CCBE1: variants seen among roughly 807,000 people sequenced by gnomAD.
CCBE1 encodes collagen and calcium-binding EGF domain-containing protein 1.
CCBE1 carries 37 observed loss-of-function variants against 50.0 expected under a neutral mutation model. That is an observed-to-expected ratio of 0.74 (90% CI 0.57 to 0.97). The LOEUF (loss-of-function observed/expected upper bound fraction) is 0.97, where lower values mean the gene tolerates loss of function less well. Ranked by LOEUF, CCBE1 falls within the 50% of genes least tolerant of loss-of-function variation. CCBE1 has a pLI of 0.00. For synonymous variants in CCBE1, 234 were observed against 203.7 expected, an observed-to-expected ratio of 1.15 and a Z score of -1.27; for missense variants, 538 against 523.8, an observed-to-expected ratio of 1.03 and a Z score of -0.26.
At chr18:59,676,486 C>T (rs2054505265) in intron 2 of CCBE1, among the ~76,000 whole-genome samples, 1 of 152,124 alleles carries the variant, frequency 6.6e-6, no homozygotes, top group Non-Finnish European at 1.5e-5. Flanking sequence ...ATATAACTGC[C>T]TTATATATGG....
chr18:59,601,010 GTTTTT>G lies in CCBE1; in HGVS notation c.212+95614_212+95618del, dbSNP rs71177045. 8.6e-3 allele frequency among the ~76,000 whole-genome samples: 499 copies of G among 58,010 alleles called. 7 individuals are homozygous for G. The highest frequency in any genetic ancestry group is 0.025 in the African/African-American group (468 of 18,616). 38.1% of individuals were successfully genotyped at this position (58,010 alleles called of 152,430 possible). ...GATCTATTTTATTAGCTATGTGTCAGTTTTTTTTTTTTTTTTTTTTTTTTTTTTTT... is the reference window on the plus strand; with the variant it reads ...GATCTATTTTATTAGCTATGTGTCAGTTTTTTTTTTTTTTTTTTTTTTTTT... On this transcript the variant is annotated intron_variant, in intron 2 of 10. Coordinates refer to ENST00000439986, the MANE Select transcript of CCBE1 (RefSeq NM_133459.4).
intron 3 of CCBE1, among the ~76,000 whole-genome samples, chr18:59,470,535 G>T (rs983240450): frequency 6.6e-6 from 1 of 152,178 alleles, no homozygotes; most frequent in African/African-American, 2.4e-5. Flanking sequence ...ATGCTGAGAA[G>T]GGGTTGGGTG....
At chr18:59,501,642 A>T (rs1913627655) in intron 2 of CCBE1, among the ~76,000 whole-genome samples, 1 of 152,142 alleles carries the variant, frequency 6.6e-6, no homozygotes. Flanking sequence ...GAGCACCCAC[A>T]TTCCTACTAC....
intron 1 of CCBE1, 65 bp from the exon 2 acceptor site, chr18:59,696,774 T>C: frequency 6.5e-7 from 1 of 1,545,496 alleles, no homozygotes; most frequent in Non-Finnish European, 8.9e-7. Context: ...CAGCGCGCGC[T>C]GGGGAATCCC....
intron 2 of CCBE1, among the ~76,000 whole-genome samples, chr18:59,640,233 A>T (rs2053968829): frequency 6.6e-6 from 1 of 152,234 alleles, no homozygotes; most frequent in Non-Finnish European, 1.5e-5. Flanking sequence ...CTGACTTCAA[A>T]CTATTAGGTT....
In CCBE1 at chr18:59,643,746, G is replaced by A. The variant is rs8099187; in HGVS notation, c.212+52883C>T. Among the ~76,000 whole-genome samples, 1,508 of 151,648 alleles carry A rather than the reference G, an allele frequency of 9.9e-3. 13 individuals carry two copies. The highest frequency in any genetic ancestry group is 0.023 in the African/African-American group (963 of 41,302). ...TGAGGCAGGAGAATCGTTTGAACCC[G>A]CAGGGGTAGACGTTGCAATGAGCCA... On this transcript the variant is annotated intron_variant, in intron 2 of 10. Transcript: ENST00000439986.
At chr18:59,509,256 A>G (rs1359904709) in intron 2 of CCBE1, among the ~76,000 whole-genome samples, 2 of 152,194 alleles carry the variant, frequency 1.3e-5, no homozygotes, top group Non-Finnish European at 2.9e-5. Context: ...GCATTGCCTA[A>G]CAAAGTCAAA....
At chr18:59,504,894 T>C (rs931632883) in intron 2 of CCBE1, among the ~76,000 whole-genome samples, 2 of 152,080 alleles carry the variant, frequency 1.3e-5, no homozygotes, top group Non-Finnish European at 2.9e-5. Flanking sequence ...TTTGGCCTCA[T>C]GAAGGTCACA....
At chr18:59,576,676 C>A (rs921584193) in intron 2 of CCBE1, among the ~76,000 whole-genome samples, 2 of 152,168 alleles carry the variant, frequency 1.3e-5, no homozygotes, top group African/African-American at 4.8e-5. Flanking sequence ...GGTTTCTTTA[C>A]CCAGCCATGC....
chr18:59,690,035 C>T (rs866460059), intron 2 of CCBE1, among the ~76,000 whole-genome samples: 2 of 151,906 alleles, frequency 1.3e-5, no homozygotes, highest in Non-Finnish European at 2.9e-5. Flanking sequence ...TAAAAAGGTC[C>T]CAAAGGAAAT....
At chr18:59,569,471 C>T (rs2052876186) in intron 2 of CCBE1, among the ~76,000 whole-genome samples, 1 of 152,178 alleles carries the variant, frequency 6.6e-6, no homozygotes, top group South Asian at 2.1e-4. Flanking sequence ...AAGCCAGATA[C>T]AAACTCCCAA....
At chr18:59,459,317 C>T (rs991119829) in intron 5 of CCBE1, among the ~76,000 whole-genome samples, 9 of 152,168 alleles carry the variant, frequency 5.9e-5, no homozygotes, top group Non-Finnish European at 4.4e-5. Flanking sequence ...ACTCTGATGA[C>T]GGGTTCACAT....
chr18:59,458,146 AT>A (rs1911287260), intron 5 of CCBE1, among the ~76,000 whole-genome samples: 1 of 148,544 alleles, frequency 6.7e-6, no homozygotes, highest in African/African-American at 2.4e-5. Context: ...CCATCCATCC[AT>A]CTATCCATCC....
intron 2 of CCBE1, among the ~76,000 whole-genome samples, chr18:59,589,620 C>T (rs2053230139): frequency 6.6e-6 from 1 of 151,432 alleles, no homozygotes; most frequent in South Asian, 2.1e-4. Context: ...ATGGTGAAAC[C>T]CCGTCTCTAC....
At position 59,561,673 on chromosome 18, in the gene CCBE1, C is replaced by T. The variant is rs55783956; in HGVS notation, c.213-81435G>A. Reference sequence around the variant, plus strand: ...TGGTTTGGCATGGCGGGCATGCTAGCGCCCAGAGTAAGAGAGTGGAATGGA... The same window carrying T: ...TGGTTTGGCATGGCGGGCATGCTAGTGCCCAGAGTAAGAGAGTGGAATGGA... On this transcript the variant is annotated intron_variant, in intron 2 of 10. Coordinates refer to ENST00000439986, the MANE Select transcript of CCBE1 (RefSeq NM_133459.4). Among the ~76,000 whole-genome samples the T allele has an allele frequency of 4.3e-3, 660 of 152,212 alleles. 11 individuals carry two copies. Among genetic ancestry groups the T allele is most frequent in the African/African-American group, 0.015 (620 of 41,532 alleles).
At chr18:59,646,883 C>T (rs1485939710) in intron 2 of CCBE1, among the ~76,000 whole-genome samples, 2 of 152,182 alleles carry the variant, frequency 1.3e-5, no homozygotes, top group African/African-American at 4.8e-5. Context: ...GATCAGGTCG[C>T]TGCAGCATTT....
At chr18:59,540,573 G>T (rs773513323) in intron 2 of CCBE1, among the ~76,000 whole-genome samples, 1 of 152,094 alleles carries the variant, frequency 6.6e-6, no homozygotes, top group African/African-American at 2.4e-5. Flanking sequence ...AAACTGCAGT[G>T]GTTTAGTCCT....
chr18:59,596,296 G>A (rs2053349878), intron 2 of CCBE1, among the ~76,000 whole-genome samples: 1 of 152,152 alleles, frequency 6.6e-6, no homozygotes. Context: ...CTGACCCTAG[G>A]CCAGCTGAGA....
chr18:59,436,031 C>G lies in CCBE1; in HGVS notation c.1098G>C (p.Glu366Asp), dbSNP rs769303562. ...GAAATTCCTGAGGTAAAGGGAACTC[C>G]TCTGCTGAAGAGTGAGTCCGGTGCC... ...VFGHRTHSSA[E>D]EFPLPQEFPS... Residue 366 changes from glutamate (E) to aspartate (D), a missense_variant, in exon 11 of 11, where the codon GAG (glutamate) becomes GAC (aspartate). By Grantham distance (45) the Glu-to-Asp change is conservative. Coordinates refer to ENST00000439986, the MANE Select transcript of CCBE1 (RefSeq NM_133459.4). 6.2e-7 allele frequency: 1 copy of G among 1,614,012 alleles called. No homozygotes were observed. Among genetic ancestry groups the G allele is most frequent in the African/African-American group, 1.3e-5 (1 of 74,914 alleles).
Sources: allele counts gnomAD v4.1 joint callset (sites outside exome capture counted in the v4.1 genomes callset), GRCh38; gene constraint gnomAD v4.1.1; transcripts MANE v1.5; gene names NCBI Gene and HGNC (gene_info 2026-07-23, HGNC 2026-07-21).